Variants in RANBP3 observed in about 807,000 individuals in gnomAD.
RANBP3 encodes ran-binding protein 3.
A neutral mutation model predicts 77.3 loss-of-function variants in RANBP3; 14 were observed. The observed-to-expected ratio is 0.18, with a 90% CI of 0.12 to 0.28. The LOEUF (loss-of-function observed/expected upper bound fraction) is 0.28. Among genes scored for constraint, RANBP3 ranks in the 10% least tolerant of loss-of-function variants. The pLI, the probability that RANBP3 is intolerant of heterozygous loss-of-function variation, is 1.00. For missense variants in RANBP3, 586 were observed against 752.3 expected (o/e 0.78, Z 2.59); for synonymous variants, 315 against 312.4 (o/e 1.01, Z -0.09).
At chr19:5,963,614 G>A (rs1396166176) in intron 1 of RANBP3, among the ~76,000 whole-genome samples, 1 of 152,190 alleles carries the variant, frequency 6.6e-6, no homozygotes, top group Non-Finnish European at 1.5e-5. Flanking sequence ...TTTGACTAGG[G>A]AGTCCCCCCC....
chr19:5,934,189 T>G (rs2058034653), intron 5 of RANBP3: 1 of 152,290 alleles, frequency 6.6e-6, no homozygotes. Context: ...CATGGACCCC[T>G]TCATCTGTGT....
chr19:5,922,888 C>T (rs185674797), intron 13 of RANBP3, among the ~76,000 whole-genome samples: 107 of 152,210 alleles, frequency 7.0e-4, no homozygotes, highest in African/African-American at 2.5e-3. Flanking sequence ...TGCAGTGAGC[C>T]GAGACTGTGC....
In RANBP3 at chr19:5,916,320, G is replaced by C. The variant is rs2057736961; in HGVS notation, c.*1290C>G. The C allele has an allele frequency of 1.3e-5, 2 of 152,410 alleles. No homozygotes were observed. The highest frequency in any genetic ancestry group is 6.5e-5 in the Admixed American group (1 of 15,280). The allele number at this position is 152,410 out of a possible 1,614,324, so 9.4% of individuals were successfully genotyped here. A position where few individuals can be genotyped will look rare whatever the true frequency, so the allele number is the denominator to read the frequency against. On this transcript the variant is annotated 3_prime_UTR_variant, in exon 17 of 17. Transcript: ENST00000340578. Reference sequence around the variant, plus strand: ...GGTTCTTCCCGGGCTCAGGCTTGCTGGGGGCTGGGGGCCAGGGCTCTGGCG... The same window carrying C: ...GGTTCTTCCCGGGCTCAGGCTTGCTCGGGGCTGGGGGCCAGGGCTCTGGCG...
chr19:5,920,994 G>A, intron 14 of RANBP3: 1 of 439,938 alleles, frequency 2.3e-6, no homozygotes, highest in East Asian at 3.8e-5. Context: ...GGACGAGCTG[G>A]CAGCTGGAGC....
At position 5,918,672 on chromosome 19, in the gene RANBP3, C is replaced by G. The variant is rs374677399; in HGVS notation, c.1331-34G>C. 2.8e-4 allele frequency: 446 copies of G among 1,603,032 alleles called. 5 individuals carry two copies. In the African/African-American group the frequency reaches 5.1e-3, roughly 18 times the overall value. ...AACAAGGCCACTCAGCCCTGGCCCC[C>G]ACACCGGCCCCCTCACAAACAGCCA... On this transcript the variant is annotated intron_variant, in intron 14 of 16. Coordinates refer to ENST00000340578, the MANE Select transcript of RANBP3 (RefSeq NM_007322.3).
chr19:5,960,674 G>A (rs1234741067), intron 1 of RANBP3, among the ~76,000 whole-genome samples: 2 of 152,234 alleles, frequency 1.3e-5, no homozygotes, highest in East Asian at 3.8e-4. Flanking sequence ...CTAGAAGAGA[G>A]AGAACCATTT....
At chr19:5,951,835 C>T (rs1238871429) in intron 2 of RANBP3, among the ~76,000 whole-genome samples, 1 of 152,172 alleles carries the variant, frequency 6.6e-6, no homozygotes, top group Non-Finnish European at 1.5e-5. Context: ...GGGAGCTCTA[C>T]AGTGTATGAG....
chr19:5,929,088 G>A (rs2057952485), intron 8 of RANBP3, among the ~76,000 whole-genome samples: 1 of 152,182 alleles, frequency 6.6e-6, no homozygotes, highest in Admixed American at 6.5e-5. Context: ...GAAGCCTGGA[G>A]TTACAATGCC....
rs759271019 is a variant in RANBP3, at chr19:5,923,932, C to T, written c.997-18G>A. On this transcript the variant is annotated intron_variant, in intron 11 of 16. Transcript: ENST00000340578. ...GGGGGGCTCTGCAGGGACACAAAAGCATACAAGGAAGAGGGCACTTGTGTG... is the reference window on the plus strand; with the variant it reads ...GGGGGGCTCTGCAGGGACACAAAAGTATACAAGGAAGAGGGCACTTGTGTG... 1 of 1,595,072 alleles carries T rather than the reference C, an allele frequency of 6.3e-7. No homozygotes were observed. Among genetic ancestry groups the T allele is most frequent in the Non-Finnish European group, 8.6e-7 (1 of 1,162,940 alleles).
intron 5 of RANBP3, among the ~76,000 whole-genome samples, chr19:5,941,121 C>T (rs1456058925): frequency 3.3e-5 from 5 of 152,326 alleles, no homozygotes; most frequent in South Asian, 4.1e-4. Context: ...GCATCACACA[C>T]GGGCCTCTGC....
Position 5,921,256 on chromosome 19 carries a change from C to T in RANBP3, c.1275G>A (p.Leu425=), listed in dbSNP as rs1568445038. ...SQSWVERGRG[L]LRLNDMASTD... ...TGGACGCCATGTCATTGAGTCTGAGCAGCCCCCGGCCTCTCTCCACCCAGG... is the reference window on the plus strand; with the variant it reads ...TGGACGCCATGTCATTGAGTCTGAGTAGCCCCCGGCCTCTCTCCACCCAGG... Residue 425 remains leucine (L), a synonymous_variant, in exon 14 of 17, where the codon CTG becomes CTA. Transcript: ENST00000340578. This position sits in a 1 kb window ranked among gnomAD's most constrained non-coding sequence, Gnocchi z 5.3. 6.2e-7 allele frequency: 1 copy of T among 1,613,662 alleles called. No homozygotes were observed. The highest frequency in any genetic ancestry group is 8.5e-7 in the Non-Finnish European group (1 of 1,179,920).
chr19:5,964,319 CA>C (rs1568478920), intron 1 of RANBP3, among the ~76,000 whole-genome samples: 1 of 152,202 alleles, frequency 6.6e-6, no homozygotes, highest in African/African-American at 2.4e-5. Context: ...CCTGCCCCCC[CA>C]CCTCCACCCA....
chr19:5,969,585 A>T (rs2058507233), intron 1 of RANBP3, among the ~76,000 whole-genome samples: 1 of 152,240 alleles, frequency 6.6e-6, no homozygotes, highest in Non-Finnish European at 1.5e-5. Flanking sequence ...TACGCGGGTC[A>T]GTTTTCAGGG....
intron 12 of RANBP3, among the ~76,000 whole-genome samples, chr19:5,923,530 G>A (rs1455042427): frequency 6.6e-6 from 1 of 152,124 alleles, no homozygotes; most frequent in Non-Finnish European, 1.5e-5. Context: ...AGACTCTCGT[G>A]TTCGTGCCGA....
chr19:5,939,701 G>A (rs1361461329), intron 5 of RANBP3, among the ~76,000 whole-genome samples: 6 of 152,218 alleles, frequency 3.9e-5, no homozygotes, highest in Admixed American at 3.9e-4. Context: ...CGTCCCACGG[G>A]AGGAGACGGA....
chr19:5,951,585 C>T lies in RANBP3; in HGVS notation c.90G>A (p.Glu30=), dbSNP rs1267350909. The change falls in exon 3 of 17, where the codon GAG becomes GAA. Residue 30 remains glutamate (E), a synonymous_variant. Transcript: ENST00000340578. ...CTCCCGAATCCGACAAGTTTTTTTG[C>T]TCTGCAGGGGACTGGGAGCAAAAAA... ...QKDKGQKSPA[E]QKNLSDSGEE... 11 of 1,613,464 alleles carry T rather than the reference C, an allele frequency of 6.8e-6. No individual in the cohort carries two copies. In the African/African-American group the frequency reaches 8.0e-5, roughly 12 times the overall value.
At chr19:5,949,528 AACT>A (rs1241603788) in intron 3 of RANBP3, among the ~76,000 whole-genome samples, 4 of 152,148 alleles carry the variant, frequency 2.6e-5, no homozygotes, top group Admixed American at 6.5e-5. Flanking sequence ...CGAGTGCTAA[AACT>A]ACAAGGTGCA....
chr19:5,926,949 C>T (rs1012750839), intron 9 of RANBP3, among the ~76,000 whole-genome samples: 2 of 152,102 alleles, frequency 1.3e-5, no homozygotes, highest in African/African-American at 2.4e-5. Context: ...CCCTCCCCGT[C>T]GACACTACTG....
At position 5,956,957 on chromosome 19, in the gene RANBP3, C is replaced by T. The variant is rs573599724; in HGVS notation, c.78+961G>A. Among the ~76,000 whole-genome samples, 5 of 152,158 alleles carry T rather than the reference C, an allele frequency of 3.3e-5. No individual in the cohort carries two copies. In the South Asian group the frequency reaches 8.3e-4, roughly 25 times the overall value. On this transcript the variant is annotated intron_variant, in intron 2 of 16. Transcript: ENST00000340578. The stretch of plus-strand genomic sequence containing the variant: ...ACTTGGTCACTCTAAAATGTTGCAG[C>T]GGGTATGAGGTGGGGAGTGCCGCCG...
Sources: gnomAD v4.1 joint callset for allele counts (sites outside exome capture counted in the v4.1 genomes callset) on GRCh38, gnomAD v4.1.1 for gene constraint, Gnocchi (gnomAD v3.1) non-coding constraint, MANE v1.5 for transcripts, NCBI Gene and HGNC (gene_info 2026-07-23, HGNC 2026-07-21) for gene names.